The following WDR25 variants were observed in gnomAD, a reference collection of about 807,000 sequenced individuals.
The protein encoded by WDR25 is WD repeat-containing protein 25.
Under a neutral mutation model 47.7 loss-of-function variants are expected in WDR25, and 35 were observed. The observed-to-expected ratio is 0.73, with a 90% CI of 0.56 to 0.97. The LOEUF (loss-of-function observed/expected upper bound fraction) is 0.97. WDR25 is among the 50% of genes least tolerant of loss of function. WDR25 has a pLI of 0.00. For missense variants in WDR25, 634 were observed against 704.7 expected (o/e 0.90, Z 1.14); for synonymous variants, 248 against 278.9 (o/e 0.89, Z 1.10).
chr14:100,422,206 G>T (rs1438310265), intron 2 of WDR25, among the ~76,000 whole-genome samples: 1 of 152,130 alleles, frequency 6.6e-6, no homozygotes, highest in African/African-American at 2.4e-5. Flanking sequence ...AGGTCTGTTC[G>T]CTCAGCATCC....
chr14:100,456,853 A>G (rs986769657), intron 2 of WDR25, among the ~76,000 whole-genome samples: 2 of 152,262 alleles, frequency 1.3e-5, no homozygotes, highest in African/African-American at 2.4e-5. Context: ...TCTAAATTTG[A>G]TGAAAATCAT....
At chr14:100,427,289 A>G (rs1898196882) in intron 2 of WDR25, among the ~76,000 whole-genome samples, 1 of 152,150 alleles carries the variant, frequency 6.6e-6, no homozygotes, top group Non-Finnish European at 1.5e-5. Context: ...CCCCAGCTGC[A>G]TTAGATGCAT....
At chr14:100,394,115 T>C (rs1020386975) in intron 2 of WDR25, among the ~76,000 whole-genome samples, 12 of 152,232 alleles carry the variant, frequency 7.9e-5, no homozygotes, top group Admixed American at 7.9e-4. Context: ...CGGGGTTTAT[T>C]CTGTGATTGC....
Position 100,381,517 on chromosome 14 carries a change from A to G in WDR25, c.593A>G (p.Glu198Gly), listed in dbSNP as rs1251157060. ...STETGKGKDV[E>G]PQGPPAGRAP... Reference sequence around the variant, plus strand: ...GAGACAGGCAAGGGTAAAGACGTGGAGCCACAGGGGCCCCCTGCAGGGCGT... The same window carrying G: ...GAGACAGGCAAGGGTAAAGACGTGGGGCCACAGGGGCCCCCTGCAGGGCGT... Residue 198 changes from glutamate (E) to glycine (G), a missense_variant, in exon 2 of 7, where the codon GAG becomes GGG. Transcript: ENST00000402312. The G allele has an allele frequency of 6.2e-7, 1 of 1,614,074 alleles. No individual in the cohort carries two copies. Among genetic ancestry groups the G allele is most frequent in the Non-Finnish European group, 8.5e-7 (1 of 1,180,008 alleles).
intron 2 of WDR25, among the ~76,000 whole-genome samples, chr14:100,396,418 A>G (rs930868857): frequency 3.9e-5 from 6 of 152,246 alleles, no homozygotes; most frequent in African/African-American, 1.4e-4. Context: ...AAGCTATTAA[A>G]GCAAGACAGA....
rs577923244 is a variant in WDR25 at position 100,517,934 on chromosome 14, T to C, written c.1102-7936T>C. On this transcript the variant is annotated intron_variant, in intron 4 of 6. Transcript: ENST00000402312. ...TACCCTGTAAGTTAAAATTGTGTTA[T>C]GGATTACATCTACATACATTGAAGA... is the stretch of plus-strand genomic sequence containing the variant. 2.0e-5 allele frequency among the ~76,000 whole-genome samples: 3 copies of C among 152,358 alleles called. No homozygotes were observed. The South Asian group carries it at 6.2e-4, about 32-fold the overall frequency.
At chr14:100,432,337 C>T (rs1369275489) in intron 2 of WDR25, among the ~76,000 whole-genome samples, 1 of 152,200 alleles carries the variant, frequency 6.6e-6, no homozygotes, top group Non-Finnish European at 1.5e-5. Context: ...AGAGTCAACT[C>T]CTTTCATTCG....
chr14:100,492,373 A>G (rs1900595046), intron 4 of WDR25, among the ~76,000 whole-genome samples: 2 of 152,202 alleles, frequency 1.3e-5, no homozygotes, highest in African/African-American at 4.8e-5. Context: ...GGGACTGTGT[A>G]AGAAGACCCC....
chr14:100,380,747 G>C (rs1265953261), intron 1 of WDR25, among the ~76,000 whole-genome samples, 163 bp from the exon 2 acceptor site: 1 of 152,144 alleles, frequency 6.6e-6, no homozygotes, highest in Non-Finnish European at 1.5e-5. Context: ...ACCCACCTCG[G>C]CCTCCTGAAG....
At chr14:100,380,417 A>G (rs1896852551) in intron 1 of WDR25, among the ~76,000 whole-genome samples, 1 of 151,908 alleles carries the variant, frequency 6.6e-6, no homozygotes. Flanking sequence ...CATAGTTTCA[A>G]TTTCAAAAAT....
chr14:100,451,282 C>T (rs1035632230), intron 2 of WDR25, among the ~76,000 whole-genome samples: 3 of 151,280 alleles, frequency 2.0e-5, no homozygotes, highest in African/African-American at 7.3e-5. Flanking sequence ...CACTTTGTCA[C>T]CCAGGCTGGA....
At chr14:100,452,606 G>A (rs569855497) in intron 2 of WDR25, among the ~76,000 whole-genome samples, 6 of 152,144 alleles carry the variant, frequency 3.9e-5, no homozygotes, top group Admixed American at 3.9e-4. Context: ...GAGTGTGAGA[G>A]GCCAGGAGGC....
At chr14:100,393,597 G>A (rs1038462911) in intron 2 of WDR25, among the ~76,000 whole-genome samples, 4 of 152,196 alleles carry the variant, frequency 2.6e-5, no homozygotes, top group East Asian at 1.9e-4. Flanking sequence ...GATGGTGGAA[G>A]GTGTGTCTGT....
At chr14:100,505,036 T>G (rs893474966) in intron 4 of WDR25, among the ~76,000 whole-genome samples, 1 of 152,208 alleles carries the variant, frequency 6.6e-6, no homozygotes, top group African/African-American at 2.4e-5. Context: ...TTGTGAAGGA[T>G]CTGTTCAAAG....
intron 2 of WDR25, 23 bp from the exon 3 acceptor site, chr14:100,467,998 G>T (rs775355059): frequency 1.2e-6 from 2 of 1,611,640 alleles, no homozygotes; most frequent in Non-Finnish European, 1.7e-6. Context: ...GTGACACCTG[G>T]TGCTGTCTGT....
chr14:100,381,498 G>A lies in WDR25; in HGVS notation c.574G>A (p.Gly192Ser). The change falls in exon 2 of 7, where the codon GGC (glycine) becomes AGC (serine). Residue 192 changes from glycine (G) to serine (S), a missense_variant. Coordinates refer to ENST00000402312, the MANE Select transcript of WDR25 (RefSeq NM_001161476.3). Reference sequence around the variant, plus strand: ...GCGGCAGGCATTAAGCACGGAGACAGGCAAGGGTAAAGACGTGGAGCCACA... The same window carrying A: ...GCGGCAGGCATTAAGCACGGAGACAAGCAAGGGTAAAGACGTGGAGCCACA... ...RQRQALSTET[G>S]KGKDVEPQGP... 1 of 1,614,210 alleles carries A rather than the reference G, an allele frequency of 6.2e-7. No homozygotes were observed. Among genetic ancestry groups the A allele is most frequent in the Non-Finnish European group, 8.5e-7 (1 of 1,180,034 alleles).
At chr14:100,379,390 CTTTTTTTTTT>C (rs148841833) in intron 1 of WDR25, among the ~76,000 whole-genome samples, 2 of 135,446 alleles carry the variant, frequency 1.5e-5, no homozygotes, top group Non-Finnish European at 3.2e-5. Flanking sequence ...CTTTTTTTTT[CTTTTTTTTTT>C]TTTTTGAGAT....
intron 4 of WDR25, among the ~76,000 whole-genome samples, chr14:100,495,024 T>C (rs1455134845): frequency 6.6e-6 from 1 of 152,190 alleles, no homozygotes; most frequent in East Asian, 1.9e-4. Context: ...TCTACAAAGA[T>C]AAATACATAA....
At chr14:100,466,601 G>A (rs911445512) in intron 2 of WDR25, among the ~76,000 whole-genome samples, 5 of 152,196 alleles carry the variant, frequency 3.3e-5, no homozygotes, top group Admixed American at 2.6e-4. Context: ...TCGGGGTGGC[G>A]CTCTTCTTAT....
Sources: gnomAD v4.1 joint callset for allele counts (sites outside exome capture counted in the v4.1 genomes callset) on GRCh38, gnomAD v4.1.1 for gene constraint, MANE v1.5 for transcripts, NCBI Gene and HGNC (gene_info 2026-07-23, HGNC 2026-07-21) for gene names.